PAICS: variants seen among roughly 807,000 people sequenced by gnomAD.
The protein encoded by PAICS is bifunctional phosphoribosylaminoimidazole carboxylase/phosphoribosylaminoimidazole succinocarboxamide synthetase.
Under a neutral mutation model 53.7 loss-of-function variants are expected in PAICS, and 33 were observed. The ratio of observed to expected loss-of-function variants is 0.61; its 90% CI spans 0.47 to 0.82. The LOEUF (loss-of-function observed/expected upper bound fraction) is 0.82. Among genes scored for constraint, PAICS ranks in the 40% least tolerant of loss-of-function variants. The probability of loss-of-function intolerance (pLI) is 0.00; values close to 1 mark genes in which losing one functional copy is unlikely to be tolerated. For synonymous variants in PAICS, 141 were observed against 167.2 expected (o/e 0.84, Z 1.21); for missense variants, 394 against 494.1 (o/e 0.80, Z 1.92).
At chr4:56,436,219 C>T (rs781460843), upstream of PAICS, 8 of 1,536,898 alleles carry the variant, frequency 5.2e-6, no homozygotes, top group African/African-American at 1.4e-5. Flanking sequence ...GCCCCGCCTC[C>T]TTCCCCGCCC....
chr4:56,426,874 C>T, the PAICS span, among the ~76,000 whole-genome samples: 2 of 152,208 alleles, frequency 1.3e-5, no homozygotes, highest in South Asian at 2.1e-4. Context: ...ACTGAAACTT[C>T]TGTAGCCATT....
rs975576299 is a variant in PAICS at position 56,460,252 on chromosome 4, T to A, written c.*714T>A. 3.3e-5 allele frequency: 5 copies of A among 152,194 alleles called. No homozygotes were observed. The highest frequency in any genetic ancestry group is 3.3e-4 in the Admixed American group (5 of 15,284). 9.4% of individuals were successfully genotyped at this position (152,194 alleles called of 1,614,324 possible). On this transcript the variant is annotated 3_prime_UTR_variant, in exon 9 of 9. Coordinates refer to ENST00000512576, the MANE Select transcript of PAICS (RefSeq NM_001079524.2). ...CATGGGCACTCATGAAAAAACAGAA[T>A]GCTCCCAACTTTATTCATCTTCCAA...
At chr4:56,454,283 G>C (rs912116867) in intron 8 of PAICS, among the ~76,000 whole-genome samples, 1 of 152,156 alleles carries the variant, frequency 6.6e-6, no homozygotes, top group Non-Finnish European at 1.5e-5. Context: ...CATGGATCAC[G>C]TGTGTAAATT....
upstream of PAICS, chr4:56,435,583 G>C (rs1460995511): frequency 1.2e-5 from 19 of 1,576,184 alleles, no homozygotes; most frequent in Admixed American, 6.9e-5. Flanking sequence ...GCTCGCGACA[G>C]GCTCTTCCTT....
At chr4:56,419,080 A>ATT in the PAICS span, among the ~76,000 whole-genome samples, 1 of 152,230 alleles carries the variant, frequency 6.6e-6, no homozygotes, top group African/African-American at 2.4e-5. Flanking sequence ...TACACATTAG[A>ATT]TTCACAGTCT....
At chr4:56,434,393 C>G (rs1717782276), upstream of PAICS, among the ~76,000 whole-genome samples, 1 of 152,214 alleles carries the variant, frequency 6.6e-6, no homozygotes, top group African/African-American at 2.4e-5. Context: ...GTTGTTACCA[C>G]TGTATTGCCT....
rs1719605982 is a variant in PAICS at position 56,464,212 on chromosome 4, A to AT, written c.*4680dup. On this transcript the variant is annotated 3_prime_UTR_variant, in exon 9 of 9. Coordinates refer to ENST00000512576, the MANE Select transcript of PAICS (RefSeq NM_001079524.2). ...TCTGTACATATCCTATTGGTTCTGT[A>AT]TTTTTTAGAGAACAAATACAGCCTA... is the stretch of plus-strand genomic sequence containing the variant. 6.6e-6 allele frequency: 1 copy of AT among 152,142 alleles called. No individual in the cohort carries two copies. Among genetic ancestry groups the AT allele is most frequent in the African/African-American group, 2.4e-5 (1 of 41,434 alleles). 9.4% of individuals were successfully genotyped at this position (152,142 alleles called of 1,614,324 possible). A position where few individuals can be genotyped will look rare whatever the true frequency, so the allele number is the denominator to read the frequency against.
At position 56,445,447 on chromosome 4, in the gene PAICS, C is replaced by T. The variant is rs372830899; in HGVS notation, c.215-1248C>T. Among the ~76,000 whole-genome samples, 255 of 152,112 alleles carry T rather than the reference C, an allele frequency of 1.7e-3. 10 individuals carry two copies. In the South Asian group the frequency reaches 0.038, roughly 23 times the overall value. ...ACTAAAAATACAAAAATTAGCCAGG[C>T]GTGGTGGTGCACACCTGTAATCCCA... is the stretch of plus-strand genomic sequence containing the variant. On this transcript the variant is annotated intron_variant, in intron 2 of 8. Transcript: ENST00000512576.
In PAICS at chr4:56,441,759, A is replaced by G; in HGVS notation, c.113A>G (p.Gln38Arg). Residue 38 changes from glutamine to arginine, a missense_variant, in exon 2 of 9, where the codon CAG (glutamine) becomes CGG (arginine). By Grantham distance (43) the Gln-to-Arg change is conservative. This residue lies in a region of PAICS where 168 missense variants were observed against 199.3 expected (regional missense o/e 0.84). Transcript: ENST00000512576. ...AAAGTCCTCCTGCAGTCCAAGGACCAGATTACAGCAGGAAATGCAGCTAGA... is the reference window on the plus strand; with the variant it reads ...AAAGTCCTCCTGCAGTCCAAGGACCGGATTACAGCAGGAAATGCAGCTAGA... ...PGKVLLQSKD[Q>R]ITAGNAARKN... is the part of the protein sequence containing the mutation. The G allele has an allele frequency of 6.2e-7, 1 of 1,604,732 alleles. No homozygotes were observed. The highest frequency in any genetic ancestry group is 8.5e-7 in the Non-Finnish European group (1 of 1,174,780).
rs192021025 is a variant in PAICS at position 56,452,155 on chromosome 4, C to T, written c.952+103C>T. On this transcript the variant is annotated intron_variant, in intron 7 of 8. Transcript: ENST00000512576. Reference sequence around the variant, plus strand: ...CTGAAAAAAGAGCTTTGTCAGTTTTCTAAGGGAAAAACACATGATATACTA... The same window carrying T: ...CTGAAAAAAGAGCTTTGTCAGTTTTTTAAGGGAAAAACACATGATATACTA... 2,081 of 773,354 alleles carry T rather than the reference C, an allele frequency of 2.7e-3. 62 individuals are homozygous for T. In the South Asian group the frequency reaches 0.034, roughly 13 times the overall value. 47.9% of individuals were successfully genotyped at this position (773,354 alleles called of 1,614,324 possible).
chr4:56,439,589 C>G (rs1388830204), intron 1 of PAICS, among the ~76,000 whole-genome samples: 1 of 152,112 alleles, frequency 6.6e-6, no homozygotes, highest in Non-Finnish European at 1.5e-5. Context: ...ATTCTCAAAG[C>G]TACTATCTTA....
chr4:56,436,199 G>T, upstream of PAICS: 5 of 1,525,704 alleles, frequency 3.3e-6, no homozygotes. Context: ...GAGTGGCGCA[G>T]GGTCGCGCGG....
At chr4:56,435,274 A>C (rs1283178318), upstream of PAICS, 2 of 1,593,734 alleles carry the variant, frequency 1.3e-6, no homozygotes, top group Non-Finnish European at 8.6e-7. Context: ...TCGGGCGCTC[A>C]TGAGAACGCC....
Position 56,462,194 on chromosome 4 carries a change from G to A in PAICS, c.*2656G>A, listed in dbSNP as rs1298444749. ...TTTTTGAGGAGAGCAGAGCAATGAT[G>A]TAAAAGCAAGACACACAGATAGGGA... On this transcript the variant is annotated 3_prime_UTR_variant, in exon 9 of 9. Transcript: ENST00000512576. 2 of 152,354 alleles carry A rather than the reference G, an allele frequency of 1.3e-5. No individual in the cohort carries two copies. The highest frequency in any genetic ancestry group is 4.8e-5 in the African/African-American group (2 of 41,582). 9.4% of individuals were successfully genotyped at this position (152,354 alleles called of 1,614,324 possible).
At position 56,441,783 on chromosome 4, in the gene PAICS, G is replaced by C; in HGVS notation, c.137G>C (p.Arg46Thr). The C allele has an allele frequency of 6.2e-7, 1 of 1,603,516 alleles. No individual in the cohort carries two copies. ...CAGATTACAGCAGGAAATGCAGCTA[G>C]AAAAAACCACCTGGAAGGAAAAGCT... ...KDQITAGNAA[R>T]KNHLEGKAAI... Residue 46 changes from arginine to threonine, a missense_variant, in exon 2 of 9, where the codon AGA becomes ACA. This residue lies in a region of PAICS where 168 missense variants were observed against 199.3 expected (regional missense o/e 0.84). Coordinates refer to ENST00000512576, the MANE Select transcript of PAICS (RefSeq NM_001079524.2).
chr4:56,453,539 A>C, intron 7 of PAICS, 64 bp from the exon 8 acceptor site: 3 of 1,282,306 alleles, frequency 2.3e-6, no homozygotes, highest in Non-Finnish European at 3.2e-6. Context: ...AAAAAAAAAA[A>C]AAAACCCTGT....
At chr4:56,439,045 G>A (rs1013702376) in intron 1 of PAICS, among the ~76,000 whole-genome samples, 4 of 151,886 alleles carry the variant, frequency 2.6e-5, no homozygotes, top group African/African-American at 9.7e-5. Flanking sequence ...GTACTTGCAG[G>A]GTATGTCACG....
At chr4:56,417,403 A>G in the PAICS span, among the ~76,000 whole-genome samples, 2 of 152,338 alleles carry the variant, frequency 1.3e-5, no homozygotes, top group African/African-American at 2.4e-5. Context: ...TGAACCTGAC[A>G]AAAGTTATTA....
intron 1 of PAICS, 175 bp downstream of exon 1, chr4:56,436,503 C>G (rs1459503397): frequency 4.2e-6 from 3 of 717,804 alleles, no homozygotes; most frequent in Non-Finnish European, 7.7e-6. Flanking sequence ...TTTACTGCCT[C>G]GGGGATGGGG....
Sources: gnomAD v4.1 joint callset for allele counts (sites outside exome capture counted in the v4.1 genomes callset) on GRCh38, gnomAD v4.1.1 for gene constraint, gnomAD v4.1.1 regional missense constraint, MANE v1.5 for transcripts, NCBI Gene and HGNC (gene_info 2026-07-23, HGNC 2026-07-21) for gene names.